KCNIP4: variants seen among roughly 807,000 people sequenced by gnomAD.
KCNIP4 encodes Kv channel-interacting protein 4.
Under a neutral mutation model 34.0 loss-of-function variants are expected in KCNIP4, and 12 were observed. The ratio of observed to expected loss-of-function variants is 0.35; its 90% CI spans 0.23 to 0.57. The LOEUF (loss-of-function observed/expected upper bound fraction) is 0.57. KCNIP4 is among the 20% of genes least tolerant of loss of function. KCNIP4 has a pLI of 0.83. For missense variants in KCNIP4, 238 were observed against 311.7 expected (o/e 0.76, Z 1.78); for synonymous variants, 124 against 102.2 (o/e 1.21, Z -1.29).
At chr4:21,236,845 T>TAA (rs75125946) in intron 1 of KCNIP4, among the ~76,000 whole-genome samples, 557 of 142,136 alleles carry the variant, frequency 3.9e-3, no homozygotes, top group Middle Eastern at 0.015. Context: ...CCACCTCTAC[T>TAA]AAAAAAAAAA....
At position 21,234,312 on chromosome 4, in the gene KCNIP4, ATATATATAACATATATAAAT is replaced by A. The variant is rs1759138501; in HGVS notation, c.62-351623_62-351604del. On this transcript the variant is annotated intron_variant, in intron 1 of 8. Transcript: ENST00000382152. Reference sequence around the variant, plus strand: ...ATATATTATATATAACATATATAACATATATATAACATATATAAATTATATATAACATACATTATATATAA... The same window carrying A: ...ATATATTATATATAACATATATAACATATATATAACATACATTATATATAA... 3.9e-5 allele frequency among the ~76,000 whole-genome samples: 3 copies of A among 77,868 alleles called. No individual in the cohort carries two copies. The East Asian group carries it at 1.1e-3, about 28-fold the overall frequency. The allele number at this position is 77,868 out of a possible 152,430, so 51.1% of individuals were successfully genotyped here. A position where few individuals can be genotyped will look rare whatever the true frequency, so the allele number is the denominator to read the frequency against.
intron 1 of KCNIP4, among the ~76,000 whole-genome samples, chr4:21,779,663 T>C (rs541603345): frequency 3.3e-5 from 5 of 152,100 alleles, no homozygotes; most frequent in Non-Finnish European, 7.4e-5. Context: ...CAGTGCTTTG[T>C]GAGACCGAGG....
chr4:21,622,059 G>T lies in KCNIP4; in HGVS notation c.61+326512C>A, dbSNP rs144020297. On this transcript the variant is annotated intron_variant, in intron 1 of 8. Transcript: ENST00000382152. ...AACTGTGAGTGCTGGAGAGCTCCTT[G>T]CTGTCACTGTCTTCATGCTGCGAAG... Among the ~76,000 whole-genome samples, 492 of 152,254 alleles carry T rather than the reference G, an allele frequency of 3.2e-3. 1 individual carries two copies. The highest frequency in any genetic ancestry group is 0.011 in the African/African-American group (470 of 41,560).
rs34076146 is a variant in KCNIP4, at chr4:21,779,011, T to TGAGA, written c.61+169556_61+169559dup. Among the ~76,000 whole-genome samples, 83 of 147,876 alleles carry TGAGA rather than the reference T, an allele frequency of 5.6e-4. 1 individual carries two copies. The highest frequency in any genetic ancestry group is 3.4e-3 in the Middle Eastern group (1 of 290). ...GCATGAGTGTGCACGTGTGTGGGCA[T>TGAGA]GAGAGAGAGAGAGAGAGAGAGAGAA... On this transcript the variant is annotated intron_variant, in intron 1 of 8. Transcript: ENST00000382152.
chr4:21,524,881 G>A lies in KCNIP4; in HGVS notation c.61+423690C>T, dbSNP rs540355587. Among the ~76,000 whole-genome samples the A allele has an allele frequency of 3.3e-5, 5 of 152,168 alleles. No homozygotes were observed. In the East Asian group the frequency reaches 9.7e-4, roughly 29 times the overall value. On this transcript the variant is annotated intron_variant, in intron 1 of 8. Coordinates refer to ENST00000382152, the MANE Select transcript of KCNIP4 (RefSeq NM_025221.6). ...TTTGTTGAATCCATGAATGACTTCTGTCTTAATTTACTTGAACAACCACAA... is the reference window on the plus strand; with the variant it reads ...TTTGTTGAATCCATGAATGACTTCTATCTTAATTTACTTGAACAACCACAA...
intron 5 of KCNIP4, among the ~76,000 whole-genome samples, chr4:20,737,423 A>G (rs1171095331): frequency 6.6e-6 from 1 of 152,180 alleles, no homozygotes; most frequent in Non-Finnish European, 1.5e-5. Flanking sequence ...TACTGAAGAG[A>G]AGAATCTAAA....
intron 1 of KCNIP4, among the ~76,000 whole-genome samples, chr4:21,587,590 T>A (rs566806346): frequency 1.3e-5 from 2 of 152,136 alleles, no homozygotes; most frequent in South Asian, 4.1e-4. Context: ...TAATAATGGC[T>A]AACATGTATT....
chr4:21,656,020 G>A (rs1222503018), intron 1 of KCNIP4, among the ~76,000 whole-genome samples: 1 of 152,146 alleles, frequency 6.6e-6, no homozygotes, highest in African/African-American at 2.4e-5. Context: ...CTATAACAAA[G>A]TAAAACAAAC....
rs76495396 is a variant in KCNIP4 at position 21,454,363 on chromosome 4, C to A, written c.61+494208G>T. 7.1e-3 allele frequency among the ~76,000 whole-genome samples: 1,074 copies of A among 152,138 alleles called. 56 individuals carry two copies. The East Asian group carries it at 0.13, about 19-fold the overall frequency. ...AACCCAGGGGAATAAATGTTTAACT[C>A]ACTCTCTAAGAGATTCTAAGGCATG... On this transcript the variant is annotated intron_variant, in intron 1 of 8. Transcript: ENST00000382152.
intron 1 of KCNIP4, among the ~76,000 whole-genome samples, chr4:21,062,547 TG>T (rs1744016798): frequency 6.6e-6 from 1 of 151,988 alleles, no homozygotes; most frequent in South Asian, 2.1e-4. Context: ...TGTGTGTGTG[TG>T]TGTGTGTCAC....
intron 1 of KCNIP4, among the ~76,000 whole-genome samples, chr4:21,828,377 T>C (rs1397279268): frequency 3.3e-5 from 5 of 151,712 alleles, no homozygotes; most frequent in Admixed American, 6.6e-5. Context: ...TGTAAGAAGG[T>C]CTAATAACAA....
At chr4:21,736,387 T>C (rs1198251523) in intron 1 of KCNIP4, among the ~76,000 whole-genome samples, 1 of 152,164 alleles carries the variant, frequency 6.6e-6, no homozygotes, top group Admixed American at 6.5e-5. Context: ...GTAATACTCT[T>C]CTACTTAAAC....
chr4:21,930,257 T>G (rs1729489117), intron 1 of KCNIP4, among the ~76,000 whole-genome samples: 1 of 152,142 alleles, frequency 6.6e-6, no homozygotes, highest in African/African-American at 2.4e-5. Flanking sequence ...TGATACAGAT[T>G]GTCTTCTTGA....
chr4:21,665,061 T>C (rs1476774886), intron 1 of KCNIP4, among the ~76,000 whole-genome samples: 3 of 152,208 alleles, frequency 2.0e-5, no homozygotes, highest in Non-Finnish European at 2.9e-5. Context: ...TGGTGAAGAT[T>C]AAATAAAATA....
intron 2 of KCNIP4, among the ~76,000 whole-genome samples, chr4:20,878,160 C>G (rs1724268946): frequency 6.6e-6 from 1 of 152,124 alleles, no homozygotes; most frequent in Non-Finnish European, 1.5e-5. Flanking sequence ...CTATGTGCCT[C>G]AGTTTTTTTA....
chr4:21,244,779 C>T (rs1398346315), intron 1 of KCNIP4, among the ~76,000 whole-genome samples: 1 of 152,166 alleles, frequency 6.6e-6, no homozygotes, highest in African/African-American at 2.4e-5. Context: ...TTAAATGAGA[C>T]ACTTCTCTAA....
At position 20,743,859 on chromosome 4, in the gene KCNIP4, G is replaced by A. The variant is rs562712589; in HGVS notation, c.429+5803C>T. On this transcript the variant is annotated intron_variant, in intron 5 of 8. Coordinates refer to ENST00000382152, the MANE Select transcript of KCNIP4 (RefSeq NM_025221.6). ...ACCTACAAAATGGGAGAAAATTTTC[G>A]CAACCTACTCATCTGACAAAGGGCT... Among the ~76,000 whole-genome samples, 169 of 151,662 alleles carry A rather than the reference G, an allele frequency of 1.1e-3. 1 individual carries two copies. Among genetic ancestry groups the A allele is most frequent in the African/African-American group, 3.7e-3 (153 of 41,332 alleles).
chr4:21,760,437 G>T (rs1216556765), intron 1 of KCNIP4, among the ~76,000 whole-genome samples: 21 of 82,302 alleles, frequency 2.6e-4, no homozygotes, highest in Admixed American at 1.8e-3. Context: ...CCTTCAATTA[G>T]ATACATGTTC....
At chr4:20,881,799 G>C (rs1289472566) in intron 2 of KCNIP4, among the ~76,000 whole-genome samples, 1 of 152,142 alleles carries the variant, frequency 6.6e-6, no homozygotes, top group Non-Finnish European at 1.5e-5. Context: ...TCTATAATCA[G>C]TTGACATTAA....
Sources: allele counts gnomAD v4.1 joint callset (sites outside exome capture counted in the v4.1 genomes callset), GRCh38; gene constraint gnomAD v4.1.1; transcripts MANE v1.5; gene names NCBI Gene and HGNC (gene_info 2026-07-23, HGNC 2026-07-21).